Variants in FAM3C observed in about 807,000 individuals in gnomAD.
FAM3C encodes the protein FAM3 metabolism regulating signaling molecule C, also known as protein FAM3C.
A neutral mutation model predicts 32.5 loss-of-function variants in FAM3C; 15 were observed. The observed-to-expected ratio is 0.46, with a 90% CI of 0.31 to 0.71. FAM3C has a LOEUF of 0.71. Ranked by LOEUF, FAM3C falls within the 30% of genes least tolerant of loss-of-function variation. FAM3C has a pLI of 0.05. For missense variants in FAM3C, 175 were observed against 274.4 expected, an observed-to-expected ratio of 0.64 and a Z score of 2.56; for synonymous variants, 75 against 86.1, an observed-to-expected ratio of 0.87 and a Z score of 0.72.
intron 1 of FAM3C, among the ~76,000 whole-genome samples, chr7:121,391,557 G>A (rs1468005236): frequency 1.3e-5 from 2 of 152,118 alleles, no homozygotes; most frequent in Non-Finnish European, 2.9e-5. Context: ...AGAAGTTATA[G>A]GTTCCTGTTC....
In FAM3C at chr7:121,350,020, C is replaced by G. The variant is rs1793670188; in HGVS notation, c.*441G>C. Reference sequence around the variant, plus strand: ...ATTACACACACAACTAGCCAAATCTCTTTTTAATTTAAAAGATAATGTCAT... The same window carrying G: ...ATTACACACACAACTAGCCAAATCTGTTTTTAATTTAAAAGATAATGTCAT... On this transcript the variant is annotated 3_prime_UTR_variant, in exon 10 of 10. Coordinates refer to ENST00000359943, the MANE Select transcript of FAM3C (RefSeq NM_014888.3). 6.3e-6 allele frequency: 1 copy of G among 157,740 alleles called. No individual in the cohort carries two copies. The highest frequency in any genetic ancestry group is 1.3e-5 in the Non-Finnish European group (1 of 75,176). 9.8% of individuals were successfully genotyped at this position (157,740 alleles called of 1,614,324 possible). A position where few individuals can be genotyped will look rare whatever the true frequency, so the allele number is the denominator to read the frequency against.
rs182745760 is a variant in FAM3C at position 121,363,001 on chromosome 7, G to A, written c.332-54C>T. On this transcript the variant is annotated intron_variant, in intron 6 of 9. Coordinates refer to ENST00000359943, the MANE Select transcript of FAM3C (RefSeq NM_014888.3). ...ATGCATCTGAAATATATCATACACTGTAAGACCAATAATCTCATCCAATGA... is the reference window on the plus strand; with the variant it reads ...ATGCATCTGAAATATATCATACACTATAAGACCAATAATCTCATCCAATGA... 5.6e-3 allele frequency: 4,504 copies of A among 808,226 alleles called. 27 individuals carry two copies. Among genetic ancestry groups the A allele is most frequent in the Middle Eastern group, 0.015 (68 of 4,470 alleles). 50.1% of individuals were successfully genotyped at this position (808,226 alleles called of 1,614,324 possible). A position where few individuals can be genotyped will look rare whatever the true frequency, so the allele number is the denominator to read the frequency against.
chr7:121,362,347 C>G (rs1793942413), intron 7 of FAM3C, among the ~76,000 whole-genome samples: 2 of 152,128 alleles, frequency 1.3e-5, no homozygotes, highest in African/African-American at 2.4e-5. Flanking sequence ...TTTCTTCCCT[C>G]AAATATTCAT....
chr7:121,374,406 A>G (rs930029257), intron 3 of FAM3C, among the ~76,000 whole-genome samples: 1 of 152,224 alleles, frequency 6.6e-6, no homozygotes, highest in African/African-American at 2.4e-5. Flanking sequence ...TTATTTTTCT[A>G]AAATAATACC....
rs375696496 is a variant in FAM3C, at chr7:121,372,113, G to A, written c.145C>T (p.Arg49Cys). The change falls in exon 4 of 10, where the codon CGT (arginine) becomes TGT (cysteine). Residue 49 changes from arginine to cysteine, a missense_variant. By Grantham distance (180) the Arg-to-Cys change is radical. Coordinates refer to ENST00000359943, the MANE Select transcript of FAM3C (RefSeq NM_014888.3). ...FARSALDTAA[R>C]STKPPRYKCG... ...AATATTGAGATGAAATACTTACAAC[G>A]TGCAGCTGTGTCCAATGCTGATCTT... The A allele has an allele frequency of 4.4e-6, 7 of 1,605,280 alleles. No homozygotes were observed. Among genetic ancestry groups the A allele is most frequent in the African/African-American group, 1.3e-5 (1 of 74,442 alleles).
chr7:121,359,531 C>T (rs1793879506), intron 8 of FAM3C, among the ~76,000 whole-genome samples: 1 of 151,964 alleles, frequency 6.6e-6, no homozygotes, highest in Admixed American at 6.5e-5. Context: ...GTGAGATGGA[C>T]TGGAACTTGG....
intron 5 of FAM3C, 95 bp from the exon 6 acceptor site, chr7:121,364,283 T>C: frequency 2.5e-6 from 2 of 807,638 alleles, no homozygotes; most frequent in East Asian, 5.4e-5. Context: ...AGGAATATTA[T>C]ACATATTTTC....
At chr7:121,372,010 C>A (rs555288612) in intron 4 of FAM3C, 100 bp downstream of exon 4, 1 of 779,680 alleles carries the variant, frequency 1.3e-6, no homozygotes, top group Non-Finnish European at 2.0e-6. Flanking sequence ...ATTTCTAAAG[C>A]AGTTTTTCCT....
chr7:121,354,782 G>A (rs2536178), intron 8 of FAM3C, among the ~76,000 whole-genome samples: 38,667 of 151,750 alleles, frequency 0.25, 5,865 homozygotes, highest in African/African-American at 0.44. Context: ...TACAAAGTTC[G>A]GATTAGAAAT....
At chr7:121,368,342 A>G (rs1402441253) in intron 5 of FAM3C, among the ~76,000 whole-genome samples, 11 of 152,180 alleles carry the variant, frequency 7.2e-5, no homozygotes, top group African/African-American at 2.4e-4. Context: ...ATTGAGACAC[A>G]CTGATCCAAG....
rs150770062 is a variant in FAM3C at position 121,393,036 on chromosome 7, G to A, written c.-42+3126C>T. Among the ~76,000 whole-genome samples the A allele has an allele frequency of 1.9e-3, 292 of 152,276 alleles. 2 individuals are homozygous for A. Among genetic ancestry groups the A allele is most frequent in the Non-Finnish European group, 3.6e-3 (247 of 68,032 alleles). ...GGCAGAAAGCAGATCAGTGGTTGCC[G>A]AGGATTGGCAGGGAGAAGGGAATGA... On this transcript the variant is annotated intron_variant, in intron 1 of 9. Coordinates refer to ENST00000359943, the MANE Select transcript of FAM3C (RefSeq NM_014888.3).
intron 3 of FAM3C, among the ~76,000 whole-genome samples, chr7:121,373,867 A>G (rs1400648995): frequency 7.2e-6 from 1 of 138,412 alleles, no homozygotes; most frequent in Admixed American, 7.0e-5. Context: ...CTACAAATAC[A>G]AAAAAAAAAA....
In FAM3C at chr7:121,387,615, G is replaced by C. The variant is rs1794490202; in HGVS notation, c.-41-4605C>G. ...CTGTAGATGAAGCTATCCATCTATAGCAAAGGTGGAAACAAATCTAGATGC... is the reference window on the plus strand; with the variant it reads ...CTGTAGATGAAGCTATCCATCTATACCAAAGGTGGAAACAAATCTAGATGC... On this transcript the variant is annotated intron_variant, in intron 1 of 9. Coordinates refer to ENST00000359943, the MANE Select transcript of FAM3C (RefSeq NM_014888.3). Among the ~76,000 whole-genome samples the C allele has an allele frequency of 2.0e-5, 3 of 152,196 alleles. No individual in the cohort carries two copies. In the South Asian group the frequency reaches 6.2e-4, roughly 32 times the overall value.
intron 8 of FAM3C, among the ~76,000 whole-genome samples, chr7:121,352,198 ATT>A (rs1171373260): frequency 6.6e-6 from 1 of 152,202 alleles, no homozygotes. Flanking sequence ...GTACTTATTC[ATT>A]CTACAGTGTT....
At chr7:121,352,135 C>T (rs1343198151) in intron 8 of FAM3C, among the ~76,000 whole-genome samples, 4 of 152,150 alleles carry the variant, frequency 2.6e-5, no homozygotes, top group Admixed American at 1.3e-4. Flanking sequence ...TCTGCTAAAA[C>T]CTGAGGCAAG....
intron 8 of FAM3C, among the ~76,000 whole-genome samples, chr7:121,358,033 A>G (rs1049335804): frequency 2.7e-5 from 4 of 150,194 alleles, no homozygotes; most frequent in African/African-American, 9.9e-5. Context: ...AGCAAATAGC[A>G]AGTTACCTGT....
At chr7:121,353,829 C>A (rs1793757139) in intron 8 of FAM3C, among the ~76,000 whole-genome samples, 1 of 152,206 alleles carries the variant, frequency 6.6e-6, no homozygotes. Flanking sequence ...TCCCTCCAGA[C>A]TTTGTCCCAT....
At chr7:121,363,047 GAGA>G (rs1793956443) in intron 6 of FAM3C, 100 bp from the exon 7 acceptor site, 1 of 609,308 alleles carries the variant, frequency 1.6e-6, no homozygotes, top group African/African-American at 2.0e-5. Context: ...TTCATTAGCA[GAGA>G]AGATGTGAAT....
intron 8 of FAM3C, among the ~76,000 whole-genome samples, chr7:121,354,646 A>G (rs941805553): frequency 6.6e-6 from 1 of 152,212 alleles, no homozygotes; most frequent in Admixed American, 6.5e-5. Context: ...ATAGGGAAGA[A>G]CAAGCTGGGA....
Sources: gnomAD v4.1 joint callset for allele counts (sites outside exome capture counted in the v4.1 genomes callset) on GRCh38, gnomAD v4.1.1 for gene constraint, MANE v1.5 for transcripts, NCBI Gene and HGNC (gene_info 2026-07-23, HGNC 2026-07-21) for gene names.